Variants in FBLN7 observed in about 807,000 individuals in gnomAD.
FBLN7 encodes the protein fibulin-7.
FBLN7 carries 31 observed loss-of-function variants against 44.0 expected under a neutral mutation model. The observed-to-expected ratio is 0.70, with a 90% CI of 0.53 to 0.95. FBLN7 has a LOEUF of 0.95. Among genes scored for constraint, FBLN7 ranks in the 40% least tolerant of loss-of-function variants. The pLI is 0.00. For missense variants in FBLN7, 573 were observed against 618.5 expected (o/e 0.93, Z 0.78); for synonymous variants, 262 against 253.4 (o/e 1.03, Z -0.32).
chr2:112,195,903 C>T, the FBLN7 span, among the ~76,000 whole-genome samples: 1 of 152,208 alleles, frequency 6.6e-6, no homozygotes, highest in Admixed American at 6.5e-5. Context: ...ACTTCCTCCT[C>T]TCCCACCTCT....
intron 1 of FBLN7, among the ~76,000 whole-genome samples, chr2:112,156,351 T>C (rs1228244520): frequency 6.6e-6 from 1 of 152,192 alleles, no homozygotes; most frequent in Non-Finnish European, 1.5e-5. Context: ...GGTGTTTGAC[T>C]TTCAGCCTCC....
At chr2:112,177,417 C>T (rs574761953) in intron 4 of FBLN7, 1 of 151,378 alleles carries the variant, frequency 6.6e-6, no homozygotes, top group East Asian at 1.9e-4. Context: ...CACCTTGTCC[C>T]TCAGCCTGAC....
the FBLN7 span, among the ~76,000 whole-genome samples, chr2:112,228,745 G>A: frequency 6.6e-6 from 1 of 151,504 alleles, no homozygotes; most frequent in African/African-American, 2.4e-5. Context: ...TAAACTGTAC[G>A]ACATCAAAAT....
chr2:112,200,094 A>G, the FBLN7 span, among the ~76,000 whole-genome samples: 1 of 152,180 alleles, frequency 6.6e-6, no homozygotes, highest in Non-Finnish European at 1.5e-5. Context: ...GCAAATAGTA[A>G]ACCTGACTTT....
At chr2:112,238,542 A>C in the FBLN7 span, 15 of 1,582,292 alleles carry the variant, frequency 9.5e-6, no homozygotes, top group Non-Finnish European at 1.3e-5. Context: ...AGTAAAAATT[A>C]AAACTTCAAT....
chr2:112,217,043 A>G, the FBLN7 span, among the ~76,000 whole-genome samples: 1 of 152,240 alleles, frequency 6.6e-6, no homozygotes, highest in African/African-American at 2.4e-5. Flanking sequence ...CATATGTTCC[A>G]TACAAGAAAC....
At chr2:112,216,422 T>C in the FBLN7 span, 1 of 152,256 alleles carries the variant, frequency 6.6e-6, no homozygotes, top group Non-Finnish European at 1.5e-5. Flanking sequence ...TTGAACAGTC[T>C]TGAACACGCA....
the FBLN7 span, among the ~76,000 whole-genome samples, chr2:112,239,374 A>G: frequency 1.3e-5 from 2 of 152,208 alleles, no homozygotes; most frequent in South Asian, 4.1e-4. Flanking sequence ...CCAAGTATCA[A>G]AGGGCTCCTA....
the FBLN7 span, among the ~76,000 whole-genome samples, chr2:112,221,032 A>G: frequency 6.6e-6 from 1 of 152,206 alleles, no homozygotes; most frequent in African/African-American, 2.4e-5. Flanking sequence ...TTCATGGACA[A>G]TATCCTGAAA....
At position 112,138,687 on chromosome 2, in the gene FBLN7, T is replaced by C. The variant is rs1680469733; in HGVS notation, c.32T>C (p.Leu11Pro). The C allele has an allele frequency of 1.2e-6, 2 of 1,613,718 alleles. No homozygotes were observed. The highest frequency in any genetic ancestry group is 1.7e-6 in the Non-Finnish European group (2 of 1,179,870). The change falls in exon 1 of 8, where the codon CTT (leucine) becomes CCT (proline). Residue 11 changes from leucine to proline, a missense_variant. Transcript: ENST00000331203. MVPSSPRALF[L>P]LLLILACPEP... ...CCCAGCTCTCCGCGCGCGCTCTTCC[T>C]TCTGCTCCTGATCCTCGCCTGCCCC...
intron 1 of FBLN7, among the ~76,000 whole-genome samples, chr2:112,140,896 T>A (rs1188351568): frequency 6.6e-6 from 1 of 152,260 alleles, no homozygotes; most frequent in Non-Finnish European, 1.5e-5. Context: ...ATTTTTCTGT[T>A]CTTGCCGTTG....
chr2:112,181,959 T>A, intron 5 of FBLN7, 83 bp downstream of exon 5: 1 of 1,450,658 alleles, frequency 6.9e-7, no homozygotes. Flanking sequence ...ACCGCCCTCC[T>A]GCCGGCACGG....
intron 4 of FBLN7, among the ~76,000 whole-genome samples, chr2:112,180,422 A>G (rs1682923765): frequency 6.6e-6 from 1 of 152,322 alleles, no homozygotes; most frequent in East Asian, 1.9e-4. Context: ...ACCATTGTGG[A>G]AAGCAGTATG....
the FBLN7 span, among the ~76,000 whole-genome samples, chr2:112,227,228 T>C: frequency 2.0e-5 from 3 of 152,284 alleles, no homozygotes; most frequent in Non-Finnish European, 2.9e-5. Context: ...TTAGAAAGGT[T>C]AGAAAGGAAG....
intron 4 of FBLN7, 116 bp from the exon 5 acceptor site, chr2:112,181,623 A>T: frequency 8.2e-7 from 1 of 1,217,260 alleles, no homozygotes; most frequent in Non-Finnish European, 1.1e-6. Context: ...ACTCCAGAGT[A>T]AGCCCTTTGA....
chr2:112,184,432 C>T (rs961000110), intron 6 of FBLN7, among the ~76,000 whole-genome samples: 43 of 152,110 alleles, frequency 2.8e-4, no homozygotes, highest in Non-Finnish European at 5.6e-4. Context: ...GCCACCCACA[C>T]TCCCTCCCTC....
At chr2:112,176,648 G>C (rs1682749922) in intron 4 of FBLN7, 1 of 152,190 alleles carries the variant, frequency 6.6e-6, no homozygotes, top group Non-Finnish European at 1.5e-5. Flanking sequence ...CAAGAGATTT[G>C]CTGCTTAATA....
the FBLN7 span, among the ~76,000 whole-genome samples, chr2:112,203,045 C>G: frequency 6.6e-6 from 1 of 152,008 alleles, no homozygotes; most frequent in Non-Finnish European, 1.5e-5. Context: ...CAAAAACAAA[C>G]AAACAAAAAA....
intron 3 of FBLN7, among the ~76,000 whole-genome samples, chr2:112,168,882 G>T (rs1233550915): frequency 1.3e-5 from 2 of 152,250 alleles, no homozygotes; most frequent in Admixed American, 6.5e-5. Flanking sequence ...TGTCATAATT[G>T]TCCCTCACTC....
Sources: gnomAD v4.1 joint callset for allele counts (sites outside exome capture counted in the v4.1 genomes callset) on GRCh38, gnomAD v4.1.1 for gene constraint, MANE v1.5 for transcripts, NCBI Gene and HGNC (gene_info 2026-07-23, HGNC 2026-07-21) for gene names.